FBXL7: variants seen among roughly 807,000 people sequenced by gnomAD.
The protein encoded by FBXL7 is F-box/LRR-repeat protein 7.
In FBXL7, 12 loss-of-function variants were observed where a neutral mutation model predicts 38.3. That is an observed-to-expected ratio of 0.31 (90% confidence interval 0.20 to 0.51). The LOEUF (loss-of-function observed/expected upper bound fraction) is 0.51. FBXL7 is among the 20% of genes least tolerant of loss of function. The pLI is 0.98. For synonymous variants in FBXL7, 297 were observed against 300.9 expected, an observed-to-expected ratio of 0.99 and a Z score of 0.13; for missense variants, 567 against 676.4, an observed-to-expected ratio of 0.84 and a Z score of 1.79.
At chr5:15,555,974 C>CATTTATCT (rs1738217350) in intron 1 of FBXL7, among the ~76,000 whole-genome samples, 1 of 140,890 alleles carries the variant, frequency 7.1e-6, no homozygotes, top group African/African-American at 2.7e-5. Context: ...ATCTGTCTAT[C>CATTTATCT]ATCTATCTAT....
chr5:15,786,999 T>A (rs1357335862), intron 2 of FBXL7, among the ~76,000 whole-genome samples: 1 of 151,948 alleles, frequency 6.6e-6, no homozygotes, highest in African/African-American at 2.4e-5. Context: ...GGAAGAGAAA[T>A]CTATGTGAAG....
intron 3 of FBXL7, chr5:15,935,242 A>G (rs556148502): frequency 1.9e-6 from 1 of 534,770 alleles, no homozygotes; most frequent in African/African-American, 1.9e-5. Flanking sequence ...AACGGGCGCC[A>G]TCCCGAGGCT....
At chr5:15,712,257 A>T (rs73755527) in intron 2 of FBXL7, among the ~76,000 whole-genome samples, 2,033 of 152,028 alleles carry the variant, frequency 0.013, 44 homozygotes, top group African/African-American at 0.046. Flanking sequence ...AGAACTCTTT[A>T]AAAGCCTTTA....
chr5:15,871,623 T>C (rs1207184391), intron 2 of FBXL7, among the ~76,000 whole-genome samples: 1 of 152,084 alleles, frequency 6.6e-6, no homozygotes, highest in Non-Finnish European at 1.5e-5. Context: ...CTGATGGAGC[T>C]GAAAAACACA....
chr5:15,637,109 C>A (rs1222142757), intron 2 of FBXL7, among the ~76,000 whole-genome samples: 2 of 152,096 alleles, frequency 1.3e-5, no homozygotes, highest in Non-Finnish European at 2.9e-5. Context: ...TTCAGACATT[C>A]TTTGCTCATG....
In FBXL7 at chr5:15,727,021, A is replaced by T. The variant is rs377174217; in HGVS notation, c.127+110949A>T. ...TAGGTATTTTATTTGTTATTACCATAAGGATTACATTTAACATCCTGAAGT... is the reference window on the plus strand; with the variant it reads ...TAGGTATTTTATTTGTTATTACCATTAGGATTACATTTAACATCCTGAAGT... On this transcript the variant is annotated intron_variant, in intron 2 of 3. Transcript: ENST00000504595. Among the ~76,000 whole-genome samples the T allele has an allele frequency of 2.0e-5, 3 of 152,048 alleles. No individual in the cohort carries two copies. In the East Asian group the frequency reaches 5.8e-4, roughly 29 times the overall value.
intron 2 of FBXL7, among the ~76,000 whole-genome samples, chr5:15,876,087 T>G (rs1740190639): frequency 6.6e-6 from 1 of 152,062 alleles, no homozygotes; most frequent in African/African-American, 2.4e-5. Context: ...ACAGAATGAG[T>G]TCATGTCCTT....
At chr5:15,896,742 C>T (rs1741112457) in intron 2 of FBXL7, among the ~76,000 whole-genome samples, 1 of 151,874 alleles carries the variant, frequency 6.6e-6, no homozygotes, top group South Asian at 2.1e-4. Context: ...GCCTTAATAA[C>T]TCAATCTGAA....
intron 2 of FBXL7, among the ~76,000 whole-genome samples, chr5:15,791,493 C>T (rs183612849): frequency 4.9e-4 from 75 of 152,226 alleles, no homozygotes; most frequent in African/African-American, 1.8e-3. Flanking sequence ...ACCTAGGGTC[C>T]AGAAATGATG....
chr5:15,805,495 T>C (rs1236461881), intron 2 of FBXL7, among the ~76,000 whole-genome samples: 2 of 151,162 alleles, frequency 1.3e-5, no homozygotes, highest in Non-Finnish European at 2.9e-5. Context: ...ATTTTTTTTA[T>C]AGATTTAACC....
intron 1 of FBXL7, among the ~76,000 whole-genome samples, chr5:15,537,211 A>G (rs144525020): frequency 2.5e-4 from 38 of 152,310 alleles, no homozygotes; most frequent in Non-Finnish European, 4.3e-4. Flanking sequence ...AGACTGATAC[A>G]AGTCATATCT....
chr5:15,769,736 G>GAAAA (rs56743583), intron 2 of FBXL7, among the ~76,000 whole-genome samples: 3 of 148,682 alleles, frequency 2.0e-5, no homozygotes, highest in Non-Finnish European at 1.5e-5. Flanking sequence ...TTCTGGACAC[G>GAAAA]AAAAAAAAAA....
Position 15,831,794 on chromosome 5 carries a change from G to T in FBXL7, c.128-96096G>T, listed in dbSNP as rs1297425992. On this transcript the variant is annotated intron_variant, in intron 2 of 3. Transcript: ENST00000504595. ...GGGCAGGATATGAGAAGGGGACATGGACAGCATCTTTTCTTTCGGAATGAA... is the reference window on the plus strand; with the variant it reads ...GGGCAGGATATGAGAAGGGGACATGTACAGCATCTTTTCTTTCGGAATGAA... Among the ~76,000 whole-genome samples, 5 of 152,116 alleles carry T rather than the reference G, an allele frequency of 3.3e-5. No individual in the cohort carries two copies. In the East Asian group the frequency reaches 9.7e-4, roughly 29 times the overall value.
Position 15,928,609 on chromosome 5 carries a change from TG to T in FBXL7, c.739+113del. 2.1e-6 allele frequency: 3 copies of T among 1,404,800 alleles called. No individual in the cohort carries two copies. Among genetic ancestry groups the T allele is most frequent in the South Asian group, 2.8e-5 (2 of 72,294 alleles). 87.0% of individuals were successfully genotyped at this position (1,404,800 alleles called of 1,614,324 possible). ...TCCTCTTCTTGCAAGCCATCAGAGA[TG>T]GGGGCGGGTGGTAGGGAGGCTGGCT... On this transcript the variant is annotated intron_variant, in intron 3 of 3. Coordinates refer to ENST00000504595, the MANE Select transcript of FBXL7 (RefSeq NM_012304.5). This position sits in a 1 kb window ranked among gnomAD's most constrained non-coding sequence, Gnocchi z 4.0.
chr5:15,837,907 A>G (rs1001880549), intron 2 of FBXL7, among the ~76,000 whole-genome samples: 1 of 152,110 alleles, frequency 6.6e-6, no homozygotes, highest in Non-Finnish European at 1.5e-5. Context: ...AGAGTTTTGA[A>G]ACTTAATCAC....
chr5:15,901,694 A>G (rs1741237519), intron 2 of FBXL7, among the ~76,000 whole-genome samples: 1 of 152,220 alleles, frequency 6.6e-6, no homozygotes, highest in Non-Finnish European at 1.5e-5. Context: ...GAGTAGGACG[A>G]AGACCTGGAT....
At chr5:15,821,314 G>A (rs1189463338) in intron 2 of FBXL7, among the ~76,000 whole-genome samples, 1 of 152,070 alleles carries the variant, frequency 6.6e-6, no homozygotes, top group Non-Finnish European at 1.5e-5. Flanking sequence ...TTCCTGTTGT[G>A]AAGATTTCTT....
intron 2 of FBXL7, among the ~76,000 whole-genome samples, chr5:15,624,906 A>G (rs1419251675): frequency 1.3e-5 from 2 of 151,834 alleles, no homozygotes; most frequent in Non-Finnish European, 2.9e-5. Flanking sequence ...AAAGCATTAA[A>G]AAGAGTCTGG....
chr5:15,843,226 CTCT>C (rs1561148119), intron 2 of FBXL7, among the ~76,000 whole-genome samples: 1 of 151,434 alleles, frequency 6.6e-6, no homozygotes, highest in Non-Finnish European at 1.5e-5. Flanking sequence ...GTGTATTCTT[CTCT>C]TCTTCTAACA....
Sources: allele counts gnomAD v4.1 joint callset (sites outside exome capture counted in the v4.1 genomes callset), GRCh38; gene constraint gnomAD v4.1.1; non-coding constraint Gnocchi (gnomAD v3.1); transcripts MANE v1.5; gene names NCBI Gene and HGNC (gene_info 2026-07-23, HGNC 2026-07-21).